The following NOPCHAP1 variants were observed in gnomAD, a reference collection of about 807,000 sequenced individuals.
NOPCHAP1 encodes the protein NOP protein chaperone 1, also known as DNA damage-sensitive RNA 1.
Under a neutral mutation model 14.0 loss-of-function variants are expected in NOPCHAP1, and 13 were observed. The observed-to-expected ratio is 0.93, with a 90% CI of 0.60 to 1.47. The LOEUF (loss-of-function observed/expected upper bound fraction) is 1.47. NOPCHAP1 is among the 40% of genes most tolerant of loss of function. NOPCHAP1 has a pLI of 0.00. For missense variants in NOPCHAP1, 230 were observed against 226.9 expected (o/e 1.01, Z -0.09); for synonymous variants, 78 against 78.4 (o/e 1.00, Z 0.03).
chr12:105,004,579 T>A lies in NOPCHAP1; in HGVS notation c.*9883T>A, dbSNP rs1040863673. On this transcript the variant is annotated 3_prime_UTR_variant, in exon 4 of 4. Transcript: ENST00000552951. ...TCAAAACAAATAAATAAATAAAAAT[T>A]ACCAGTTTTGTTTTAAATTATCTGT... The A allele has an allele frequency of 2.6e-5, 4 of 152,152 alleles. No homozygotes were observed. The highest frequency in any genetic ancestry group is 9.7e-5 in the African/African-American group (4 of 41,438). The allele number at this position is 152,152 out of a possible 1,614,324, so 9.4% of individuals were successfully genotyped here. A position where few individuals can be genotyped will look rare whatever the true frequency, so the allele number is the denominator to read the frequency against.
chr12:104,996,273 A>C lies in NOPCHAP1; in HGVS notation c.*1577A>C, dbSNP rs1873500187. ...GTCAGTTCAGTTCATCCACTGGTAC[A>C]TCTGCATAGCTCCTGAACAAGGTCC... On this transcript the variant is annotated 3_prime_UTR_variant, in exon 4 of 4. Coordinates refer to ENST00000552951, the MANE Select transcript of NOPCHAP1 (RefSeq NM_152318.3). 1 of 152,162 alleles carries C rather than the reference A, an allele frequency of 6.6e-6. No homozygotes were observed. The highest frequency in any genetic ancestry group is 2.4e-5 in the African/African-American group (1 of 41,440). The allele number at this position is 152,162 out of a possible 1,614,324, so 9.4% of individuals were successfully genotyped here.
rs929577407 is a variant in NOPCHAP1 at position 105,007,072 on chromosome 12, C to T, written c.*12376C>T. 3 of 149,678 alleles carry T rather than the reference C, an allele frequency of 2.0e-5. No individual in the cohort carries two copies. Among genetic ancestry groups the T allele is most frequent in the Non-Finnish European group, 4.4e-5 (3 of 67,626 alleles). The allele number at this position is 149,678 out of a possible 1,614,324, so 9.3% of individuals were successfully genotyped here. A position where few individuals can be genotyped will look rare whatever the true frequency, so the allele number is the denominator to read the frequency against. On this transcript the variant is annotated 3_prime_UTR_variant, in exon 4 of 4. Transcript: ENST00000552951. ...CAAACCTCTAAAATTATCAAAGCAT[C>T]TTATGCTGGCATTGAATTATCCAGC...
Position 105,016,143 on chromosome 12 carries a change from G to A in NOPCHAP1, c.*21447G>A, listed in dbSNP as rs1873941244. ...GGGAAAATATCTGAAACATGACAGA[G>A]TGTCATTAATATATCATGGGCTTTT... On this transcript the variant is annotated 3_prime_UTR_variant, in exon 4 of 4. Coordinates refer to ENST00000552951, the MANE Select transcript of NOPCHAP1 (RefSeq NM_152318.3). 1 of 152,082 alleles carries A rather than the reference G, an allele frequency of 6.6e-6. No individual in the cohort carries two copies. Among genetic ancestry groups the A allele is most frequent in the African/African-American group, 2.4e-5 (1 of 41,410 alleles). 9.4% of individuals were successfully genotyped at this position (152,082 alleles called of 1,614,324 possible). A position where few individuals can be genotyped will look rare whatever the true frequency, so the allele number is the denominator to read the frequency against.
At chr12:104,986,496 C>T in intron 1 of NOPCHAP1, 29 bp downstream of exon 1, 2 of 1,551,330 alleles carry the variant, frequency 1.3e-6, no homozygotes, top group Non-Finnish European at 1.8e-6. Flanking sequence ...CGGCATGGGC[C>T]GCACACGTGC....
In NOPCHAP1 at chr12:105,014,584, A is replaced by T. The variant is rs1174727130; in HGVS notation, c.*19888A>T. 1.3e-5 allele frequency: 2 copies of T among 152,106 alleles called. No individual in the cohort carries two copies. Among genetic ancestry groups the T allele is most frequent in the African/African-American group, 4.8e-5 (2 of 41,436 alleles). 9.4% of individuals were successfully genotyped at this position (152,106 alleles called of 1,614,324 possible). On this transcript the variant is annotated 3_prime_UTR_variant, in exon 4 of 4. Transcript: ENST00000552951. ...TTTGAGTTGGAAAACTGATGCTTGTAGTGTAATCACTGTTGGTGACAGTGC... is the reference window on the plus strand; with the variant it reads ...TTTGAGTTGGAAAACTGATGCTTGTTGTGTAATCACTGTTGGTGACAGTGC...
rs1873894355 is a variant in NOPCHAP1, at chr12:105,013,993, C to T, written c.*19297C>T. On this transcript the variant is annotated 3_prime_UTR_variant, in exon 4 of 4. Transcript: ENST00000552951. ...CCATCTTGCCAGCCAGCCGAGAGAT[C>T]ACTTTTTACTGTGATAGGCAATTTA... 2 of 152,264 alleles carry T rather than the reference C, an allele frequency of 1.3e-5. No homozygotes were observed. Among genetic ancestry groups the T allele is most frequent in the South Asian group, 4.1e-4 (2 of 4,828 alleles). 9.4% of individuals were successfully genotyped at this position (152,264 alleles called of 1,614,324 possible). A position where few individuals can be genotyped will look rare whatever the true frequency, so the allele number is the denominator to read the frequency against.
rs1873725931 is a variant in NOPCHAP1, at chr12:105,007,218, T to C, written c.*12522T>C. 1 of 152,182 alleles carries C rather than the reference T, an allele frequency of 6.6e-6. No homozygotes were observed. The highest frequency in any genetic ancestry group is 1.9e-4 in the East Asian group (1 of 5,196). The allele number at this position is 152,182 out of a possible 1,614,324, so 9.4% of individuals were successfully genotyped here. ...TCCTGTACCCACATAAAAGCTGCAT[T>C]TTCAATAGGAAATAAAAATGTATTT... On this transcript the variant is annotated 3_prime_UTR_variant, in exon 4 of 4. Transcript: ENST00000552951.
At chr12:104,991,970 T>C in intron 3 of NOPCHAP1, 122 bp downstream of exon 3, 1 of 1,185,148 alleles carries the variant, frequency 8.4e-7, no homozygotes, top group African/African-American at 1.6e-5. Flanking sequence ...GTTTCCAATG[T>C]TGTATAGGTA....
At position 104,986,401 on chromosome 12, in the gene NOPCHAP1, AC is replaced by A. The variant is rs748910294; in HGVS notation, c.52del (p.Arg18GlyfsTer13). 3 of 1,611,706 alleles carry A rather than the reference AC, an allele frequency of 1.9e-6. No homozygotes were observed. In the African/African-American group the frequency reaches 4.0e-5, roughly 22 times the overall value. On this transcript the variant is annotated frameshift_variant, in exon 1 of 4. Transcript: ENST00000552951. LOFTEE classifies it high-confidence loss of function. ...GGCTAGCCCGAGTTGTTCGTCGCCC[AC>A]CCGGGATTCCTCAGGAGTCCCAGTG... ...PKASPSCSSP[T>X]RDSSGVPVSK...
chr12:104,993,691 A>AT (rs1015755449), intron 3 of NOPCHAP1, among the ~76,000 whole-genome samples: 1 of 152,064 alleles, frequency 6.6e-6, no homozygotes, highest in Non-Finnish European at 1.5e-5. Flanking sequence ...CAGTATTTTA[A>AT]TTTTTTTCCC....
Position 105,015,602 on chromosome 12 carries a change from C to T in NOPCHAP1, c.*20906C>T, listed in dbSNP as rs1456600669. ...GAAATCTTAGGCTGTCCCACTTCGT[C>T]TCGCCTGGGATGTGAATTGTCCTTT... On this transcript the variant is annotated 3_prime_UTR_variant, in exon 4 of 4. Coordinates refer to ENST00000552951, the MANE Select transcript of NOPCHAP1 (RefSeq NM_152318.3). 2.0e-5 allele frequency: 3 copies of T among 152,350 alleles called. No individual in the cohort carries two copies. In the East Asian group the frequency reaches 5.8e-4, roughly 29 times the overall value. 9.4% of individuals were successfully genotyped at this position (152,350 alleles called of 1,614,324 possible). A position where few individuals can be genotyped will look rare whatever the true frequency, so the allele number is the denominator to read the frequency against.
At chr12:104,986,771 G>A (rs928278307) in intron 1 of NOPCHAP1, among the ~76,000 whole-genome samples, 4 of 152,244 alleles carry the variant, frequency 2.6e-5, no homozygotes, top group African/African-American at 4.8e-5. Context: ...AAGCTGGGAA[G>A]CTCTCGAGTT....
rs147322698 is a variant in NOPCHAP1, at chr12:105,015,915, A to G, written c.*21219A>G. 3.9e-5 allele frequency: 6 copies of G among 152,316 alleles called. No homozygotes were observed. Among genetic ancestry groups the G allele is most frequent in the African/African-American group, 1.4e-4 (6 of 41,572 alleles). The allele number at this position is 152,316 out of a possible 1,614,324, so 9.4% of individuals were successfully genotyped here. A position where few individuals can be genotyped will look rare whatever the true frequency, so the allele number is the denominator to read the frequency against. ...AATTATATATGGATTAAGGATTTAAATGTAAAAAAAGAAATTATAAGAGTT... is the reference window on the plus strand; with the variant it reads ...AATTATATATGGATTAAGGATTTAAGTGTAAAAAAAGAAATTATAAGAGTT... On this transcript the variant is annotated 3_prime_UTR_variant, in exon 4 of 4. Coordinates refer to ENST00000552951, the MANE Select transcript of NOPCHAP1 (RefSeq NM_152318.3).
chr12:104,994,278 C>T (rs572823117), intron 3 of NOPCHAP1, among the ~76,000 whole-genome samples, 200 bp from the exon 4 acceptor site: 113 of 152,164 alleles, frequency 7.4e-4, no homozygotes, highest in African/African-American at 2.7e-3. Flanking sequence ...GCCCAGGAGG[C>T]GGAGGGGGCA....
rs1185016375 is a variant in NOPCHAP1, at chr12:105,012,881, T to C, written c.*18185T>C. 1 of 152,370 alleles carries C rather than the reference T, an allele frequency of 6.6e-6. No individual in the cohort carries two copies. Among genetic ancestry groups the C allele is most frequent in the African/African-American group, 2.4e-5 (1 of 41,452 alleles). 9.4% of individuals were successfully genotyped at this position (152,370 alleles called of 1,614,324 possible). ...AGCTTCCTCCCAGAGGGTCACCCGC[T>C]AGATGCCAGCTGGAGATCTCCTGTG... On this transcript the variant is annotated 3_prime_UTR_variant, in exon 4 of 4. Coordinates refer to ENST00000552951, the MANE Select transcript of NOPCHAP1 (RefSeq NM_152318.3).
In NOPCHAP1 at chr12:105,011,694, A is replaced by C. The variant is rs900734386; in HGVS notation, c.*16998A>C. ...TTGTAAGGCAGGCCTGGTGGTGACA[A>C]AATCTCTCAGCATTTGCTTGTCTGT... On this transcript the variant is annotated 3_prime_UTR_variant, in exon 4 of 4. Coordinates refer to ENST00000552951, the MANE Select transcript of NOPCHAP1 (RefSeq NM_152318.3). The C allele has an allele frequency of 6.6e-6, 1 of 152,188 alleles. No homozygotes were observed. The highest frequency in any genetic ancestry group is 1.5e-5 in the Non-Finnish European group (1 of 68,028). 9.4% of individuals were successfully genotyped at this position (152,188 alleles called of 1,614,324 possible).
intron 3 of NOPCHAP1, among the ~76,000 whole-genome samples, chr12:104,994,152 C>T (rs1219452834): frequency 6.6e-6 from 1 of 152,168 alleles, no homozygotes; most frequent in Non-Finnish European, 1.5e-5. Flanking sequence ...CAAGACCAGC[C>T]TGGCCAACAG....
chr12:105,014,893 A>G lies in NOPCHAP1; in HGVS notation c.*20197A>G, dbSNP rs796164710. Reference sequence around the variant, plus strand: ...CTTGGTTTTATTAAGTTTATTTGGGATCTCATCTGCCATGAGCCTGACTTT... The same window carrying G: ...CTTGGTTTTATTAAGTTTATTTGGGGTCTCATCTGCCATGAGCCTGACTTT... On this transcript the variant is annotated 3_prime_UTR_variant, in exon 4 of 4. Coordinates refer to ENST00000552951, the MANE Select transcript of NOPCHAP1 (RefSeq NM_152318.3). The G allele has an allele frequency of 1.2e-4, 19 of 152,248 alleles. No individual in the cohort carries two copies. Among genetic ancestry groups the G allele is most frequent in the African/African-American group, 4.3e-4 (18 of 41,540 alleles). The allele number at this position is 152,248 out of a possible 1,614,324, so 9.4% of individuals were successfully genotyped here. A position where few individuals can be genotyped will look rare whatever the true frequency, so the allele number is the denominator to read the frequency against.
At chr12:104,993,879 G>A (rs1389411545) in intron 3 of NOPCHAP1, among the ~76,000 whole-genome samples, 1 of 152,126 alleles carries the variant, frequency 6.6e-6, no homozygotes, top group Non-Finnish European at 1.5e-5. Flanking sequence ...AGTACCTAGT[G>A]TAGTGCCTAA....
Sources: allele counts gnomAD v4.1 joint callset (sites outside exome capture counted in the v4.1 genomes callset), GRCh38; gene constraint gnomAD v4.1.1; transcripts MANE v1.5; gene names NCBI Gene and HGNC (gene_info 2026-07-23, HGNC 2026-07-21).